SCAMP2: variants seen among roughly 807,000 people sequenced by gnomAD.
SCAMP2 encodes secretory carrier membrane protein 2.
Under a neutral mutation model 44.1 loss-of-function variants are expected in SCAMP2, and 25 were observed. The ratio of observed to expected loss-of-function variants is 0.57; its 90% CI spans 0.41 to 0.79. The LOEUF (loss-of-function observed/expected upper bound fraction) is 0.79. Among genes scored for constraint, SCAMP2 ranks in the 30% least tolerant of loss-of-function variants. SCAMP2 has a pLI of 0.00. For missense variants in SCAMP2, 355 were observed against 411.0 expected (o/e 0.86, Z 1.18); for synonymous variants, 156 against 166.0 (o/e 0.94, Z 0.46).
chr15:74,860,081 C>T (rs1269287690), intron 1 of SCAMP2, among the ~76,000 whole-genome samples: 4 of 152,016 alleles, frequency 2.6e-5, no homozygotes, highest in Non-Finnish European at 5.9e-5. Flanking sequence ...GGCAACATAG[C>T]GAGACCCTGT....
At chr15:74,872,351 T>C (rs1381094959) in intron 1 of SCAMP2, among the ~76,000 whole-genome samples, 1 of 150,412 alleles carries the variant, frequency 6.6e-6, no homozygotes, top group Non-Finnish European at 1.5e-5. Context: ...AGGCAGAGGT[T>C]GCAGTGAGCG....
intron 7 of SCAMP2, 78 bp from the exon 8 acceptor site, chr15:74,845,671 G>A: frequency 6.4e-6 from 10 of 1,553,302 alleles, no homozygotes; most frequent in Non-Finnish European, 8.8e-6. Context: ...TCTTCTCCAA[G>A]TGGCTGCTGT....
At chr15:74,847,202 C>A (rs2064405363) in intron 7 of SCAMP2, among the ~76,000 whole-genome samples, 1 of 144,898 alleles carries the variant, frequency 6.9e-6, no homozygotes, top group African/African-American at 2.5e-5. Context: ...AGTGATTCTT[C>A]TGCCTCAGCC....
chr15:74,847,086 A>ATTTTTTTTTT (rs34231883), intron 7 of SCAMP2, among the ~76,000 whole-genome samples: 8 of 109,306 alleles, frequency 7.3e-5, no homozygotes, highest in Admixed American at 1.1e-4. Flanking sequence ...TTGTCAGTTA[A>ATTTTTTTTTT]TTTTTTTTTT....
chr15:74,869,295 T>C (rs1271081515), intron 1 of SCAMP2, among the ~76,000 whole-genome samples: 1 of 151,806 alleles, frequency 6.6e-6, no homozygotes, highest in Non-Finnish European at 1.5e-5. Context: ...AGCCCAAGAA[T>C]TGTTCTCCAG....
At position 74,854,623 on chromosome 15, in the gene SCAMP2, G is replaced by A. The variant is rs199551050; in HGVS notation, c.84C>T (p.Asn28=). 5.6e-5 allele frequency: 90 copies of A among 1,609,240 alleles called. 1 individual carries two copies. Among genetic ancestry groups the A allele is most frequent in the Middle Eastern group, 3.3e-4 (2 of 6,054 alleles). ...FQDPSVTQLT[N]APQGGLAEFN... is the part of the protein sequence containing the mutation. ...ATTCCGCCAGGCCGCCCTGCGGGGC[G>A]TTGGTCAGCTGGGTCACAGAGGGAT... The change falls in exon 2 of 9, where the codon AAC becomes AAT. Residue 28 remains asparagine (N), a synonymous_variant. Transcript: ENST00000268099.
At chr15:74,845,254 T>C in intron 8 of SCAMP2, 37 bp from the exon 9 acceptor site, 1 of 1,604,576 alleles carries the variant, frequency 6.2e-7, no homozygotes, top group Non-Finnish European at 8.5e-7. Context: ...AGCCTGTCCT[T>C]TGGGCCCACC....
At chr15:74,848,931 C>T (rs899972220) in intron 6 of SCAMP2, among the ~76,000 whole-genome samples, 3 of 152,042 alleles carry the variant, frequency 2.0e-5, no homozygotes, top group African/African-American at 7.3e-5. Context: ...TGCTTGACCC[C>T]TTCCTCAAAG....
At chr15:74,849,693 G>A (rs576358905) in intron 6 of SCAMP2, among the ~76,000 whole-genome samples, 4 of 152,142 alleles carry the variant, frequency 2.6e-5, no homozygotes, top group South Asian at 2.1e-4. Context: ...GCAGTGAGCC[G>A]AGATCGCATC....
chr15:74,852,757 T>C (rs936230), intron 3 of SCAMP2: 101,412 of 152,594 alleles, frequency 0.66, 33,941 homozygotes, highest in Middle Eastern at 0.73. Context: ...TAAACTGCAA[T>C]TGGCTACACC....
At chr15:74,866,527 G>A in intron 1 of SCAMP2, among the ~76,000 whole-genome samples, 1 of 152,100 alleles carries the variant, frequency 6.6e-6, no homozygotes, top group East Asian at 1.9e-4. Flanking sequence ...CCTGACCAAC[G>A]TGGTTGAAAC....
chr15:74,853,580 G>C (rs2064449498), intron 3 of SCAMP2: 1 of 405,620 alleles, frequency 2.5e-6, no homozygotes, highest in Admixed American at 2.8e-5. Context: ...GCGCAGTGGA[G>C]CACCAGGCAC....
intron 5 of SCAMP2, 120 bp from the exon 6 acceptor site, chr15:74,850,793 G>GC: frequency 1.5e-5 from 15 of 1,021,752 alleles, no homozygotes; most frequent in African/African-American, 3.2e-5. Flanking sequence ...CTGAAACAGA[G>GC]GAGCCCGCTC....
chr15:74,856,863 T>C (rs1291307468), intron 1 of SCAMP2, among the ~76,000 whole-genome samples: 2 of 152,138 alleles, frequency 1.3e-5, no homozygotes, highest in Non-Finnish European at 2.9e-5. Context: ...CCCAAAGCAC[T>C]AGGATTACAA....
At chr15:74,858,954 A>G (rs978205364) in intron 1 of SCAMP2, among the ~76,000 whole-genome samples, 4 of 151,290 alleles carry the variant, frequency 2.6e-5, no homozygotes, top group Non-Finnish European at 5.9e-5. Flanking sequence ...GACTACAGGC[A>G]CCTGCCACCA....
At chr15:74,845,385 T>C (rs763258211) in intron 8 of SCAMP2, 88 bp downstream of exon 8, 16 of 1,605,480 alleles carry the variant, frequency 1.0e-5, no homozygotes, top group Admixed American at 1.7e-5. Context: ...GATGCCCAAC[T>C]GCAGTGGTGA....
rs1473121483 is a variant in SCAMP2 at position 74,852,151 on chromosome 15, C to T, written c.261G>A (p.Arg87=). Residue 87 remains arginine (R), a synonymous_variant, in exon 4 of 9, where the codon CGG becomes CGA. Coordinates refer to ENST00000268099, the MANE Select transcript of SCAMP2 (RefSeq NM_005697.5). ...CTTTCCTGTCCAGTTCTTCCTGCTGCCGGAGCAGGCCTGCCTGGGCTGCAG... is the reference window on the plus strand; with the variant it reads ...CTTTCCTGTCCAGTTCTTCCTGCTGTCGGAGCAGGCCTGCCTGGGCTGCAG... ...VVSAAQAGLL[R]QQEELDRKAA... 6.3e-7 allele frequency: 1 copy of T among 1,580,780 alleles called. No homozygotes were observed. Among genetic ancestry groups the T allele is most frequent in the Admixed American group, 1.8e-5 (1 of 56,112 alleles).
At chr15:74,864,306 C>T (rs913114835) in intron 1 of SCAMP2, among the ~76,000 whole-genome samples, 2 of 152,210 alleles carry the variant, frequency 1.3e-5, no homozygotes, top group African/African-American at 4.8e-5. Context: ...TGTGATCCGT[C>T]CGCCTTGGCC....
intron 1 of SCAMP2, 85 bp downstream of exon 1, chr15:74,873,114 G>A (rs1214421908): frequency 1.7e-6 from 2 of 1,208,568 alleles, no homozygotes; most frequent in Non-Finnish European, 2.2e-6. Context: ...CCTACGCCAC[G>A]TCTCCCGGCT....
Sources: allele counts gnomAD v4.1 joint callset (sites outside exome capture counted in the v4.1 genomes callset), GRCh38; gene constraint gnomAD v4.1.1; transcripts MANE v1.5; gene names NCBI Gene and HGNC (gene_info 2026-07-23, HGNC 2026-07-21).